Variants in CADPS observed in about 807,000 individuals in gnomAD.
CADPS encodes calcium-dependent secretion activator 1.
In CADPS, 57 loss-of-function variants were observed where a neutral mutation model predicts 167.3. The observed-to-expected ratio is 0.34, with a 90% CI of 0.28 to 0.42. The LOEUF is 0.42. Among genes scored for constraint, CADPS ranks in the 20% least tolerant of loss-of-function variants. The pLI is 1.00. For missense variants in CADPS, 1,414 were observed against 1,738.1 expected (o/e 0.81, Z 3.32); for synonymous variants, 676 against 635.3 (o/e 1.06, Z -0.96).
intron 23 of CADPS, among the ~76,000 whole-genome samples, chr3:62,475,920 A>T (rs547946880): frequency 2.4e-3 from 359 of 152,250 alleles, no homozygotes; most frequent in Non-Finnish European, 4.4e-3. Flanking sequence ...TCACAGGAGA[A>T]CTGTTCATAG....
intron 6 of CADPS, among the ~76,000 whole-genome samples, chr3:62,639,815 T>C (rs1370188122): frequency 6.6e-6 from 1 of 152,092 alleles, no homozygotes; most frequent in Non-Finnish European, 1.5e-5. Context: ...GTAAACACTC[T>C]CCCTCAATGA....
intron 4 of CADPS, among the ~76,000 whole-genome samples, chr3:62,654,752 T>C (rs936538813): frequency 6.6e-6 from 1 of 152,136 alleles, no homozygotes. Flanking sequence ...CTCAGTGAAC[T>C]ACATGGTATT....
intron 24 of CADPS, chr3:62,473,882 C>T (rs1474224288): frequency 3.6e-6 from 1 of 275,416 alleles, no homozygotes; most frequent in African/African-American, 2.2e-5. Context: ...CTGTTCGAGA[C>T]ACCAGCCTAA....
At chr3:62,472,821 A>G (rs2060782021) in intron 24 of CADPS, among the ~76,000 whole-genome samples, 1 of 152,210 alleles carries the variant, frequency 6.6e-6, no homozygotes, top group Non-Finnish European at 1.5e-5. Context: ...TGAACACCGA[A>G]CCCAGGTCTT....
chr3:62,579,214 C>T (rs371962586), intron 8 of CADPS, among the ~76,000 whole-genome samples: 4 of 152,274 alleles, frequency 2.6e-5, no homozygotes, highest in East Asian at 1.9e-4. Flanking sequence ...AAGGTTGGAT[C>T]GAAAGCAATA....
At chr3:62,773,451 G>C (rs1241522100) in intron 1 of CADPS, among the ~76,000 whole-genome samples, 1 of 152,006 alleles carries the variant, frequency 6.6e-6, no homozygotes, top group African/African-American at 2.4e-5. Flanking sequence ...CAAGTTGAAG[G>C]GGGAAAAACA....
chr3:62,549,629 C>T (rs1577593418), intron 11 of CADPS, among the ~76,000 whole-genome samples: 2 of 152,186 alleles, frequency 1.3e-5, no homozygotes, highest in East Asian at 3.9e-4. Context: ...ACATGTTTGG[C>T]TGTGAATTCT....
chr3:62,650,886 C>T lies in CADPS; in HGVS notation c.1164G>A (p.Gln388=), dbSNP rs764412653. The T allele has an allele frequency of 1.2e-6, 2 of 1,614,034 alleles. No homozygotes were observed. Among genetic ancestry groups the T allele is most frequent in the East Asian group, 4.5e-5 (2 of 44,866 alleles). ...ACAGCACGACATCTGACTTGGAGAG[C>T]TGGTTCTCACTCTCCTCGCCCATGT... ...IIDMGEESEN[Q]LSKSDVVLSF... The change falls in exon 5 of 30, where the codon CAG becomes CAA. Residue 388 remains glutamine (Q), a synonymous_variant. Transcript: ENST00000383710.
chr3:62,424,434 C>T (rs901981994), intron 28 of CADPS, among the ~76,000 whole-genome samples: 6 of 152,106 alleles, frequency 3.9e-5, no homozygotes, highest in Admixed American at 1.3e-4. Flanking sequence ...TTGCCTGCCT[C>T]GGCCTCCCAA....
At chr3:62,498,094 C>G (rs1186773680) in intron 18 of CADPS, 1 of 456,256 alleles carries the variant, frequency 2.2e-6, no homozygotes, top group Non-Finnish European at 4.4e-6. Flanking sequence ...ACTGGAAGGG[C>G]ATGCACAAAG....
Position 62,492,002 on chromosome 3 carries a change from GTTAA to G in CADPS, c.2884+284_2884+287del, listed in dbSNP as rs1306962403. On this transcript the variant is annotated intron_variant, in intron 20 of 29. Coordinates refer to ENST00000383710, the MANE Select transcript of CADPS (RefSeq NM_003716.4). ...GATAAAAATTGCAAAATATGAAGAG[GTTAA>G]TTAATTTGAGAGACAATCAAACACA... 2.6e-5 allele frequency among the ~76,000 whole-genome samples: 4 copies of G among 152,036 alleles called. No homozygotes were observed. In the East Asian group the frequency reaches 5.8e-4, roughly 22 times the overall value.
At position 62,521,757 on chromosome 3, in the gene CADPS, C is replaced by T. The variant is rs1324358630; in HGVS notation, c.2292-3507G>A. The stretch of plus-strand genomic sequence containing the variant: ...TTTAGCATCCATTGCCAATTTCTAA[C>T]CCCTGGATTTGGAGGAGTGGCCTCA... On this transcript the variant is annotated intron_variant, in intron 13 of 29. Coordinates refer to ENST00000383710, the MANE Select transcript of CADPS (RefSeq NM_003716.4). Among the ~76,000 whole-genome samples the T allele has an allele frequency of 2.0e-5, 3 of 152,172 alleles. No individual in the cohort carries two copies. The East Asian group carries it at 5.8e-4, about 29-fold the overall frequency.
intron 8 of CADPS, among the ~76,000 whole-genome samples, chr3:62,573,386 AG>A (rs1313139341): frequency 6.6e-6 from 1 of 152,128 alleles, no homozygotes; most frequent in East Asian, 1.9e-4. Flanking sequence ...TGGATGGGGA[AG>A]GCCAATTGTA....
intron 28 of CADPS, among the ~76,000 whole-genome samples, chr3:62,431,120 G>A (rs926811733): frequency 6.6e-6 from 1 of 152,174 alleles, no homozygotes; most frequent in Admixed American, 6.6e-5. Flanking sequence ...GCTTCAGACT[G>A]ATTTGGAGGG....
chr3:62,609,707 A>G (rs1218138089), intron 6 of CADPS, among the ~76,000 whole-genome samples: 1 of 152,214 alleles, frequency 6.6e-6, no homozygotes, highest in Non-Finnish European at 1.5e-5. Context: ...TTAACACATG[A>G]ACACATGGTA....
intron 6 of CADPS, among the ~76,000 whole-genome samples, chr3:62,632,293 T>G (rs2065426109): frequency 6.6e-6 from 1 of 152,184 alleles, no homozygotes; most frequent in African/African-American, 2.4e-5. Context: ...TTCCTTATAC[T>G]TTCCCTCAAT....
At chr3:62,808,259 G>T (rs2094208967) in intron 1 of CADPS, among the ~76,000 whole-genome samples, 1 of 63,274 alleles carries the variant, frequency 1.6e-5, no homozygotes, top group African/African-American at 5.9e-5. Flanking sequence ...ATAAAAGATT[G>T]CTAGCCTTAT....
rs55705532 is a variant in CADPS at position 62,558,983 on chromosome 3, G to A, written c.1645-1470C>T. 4.8e-3 allele frequency among the ~76,000 whole-genome samples: 723 copies of A among 152,086 alleles called. 4 individuals are homozygous for A. Among genetic ancestry groups the A allele is most frequent in the African/African-American group, 0.017 (696 of 41,462 alleles). On this transcript the variant is annotated intron_variant, in intron 9 of 29. Coordinates refer to ENST00000383710, the MANE Select transcript of CADPS (RefSeq NM_003716.4). The stretch of plus-strand genomic sequence containing the variant: ...AGGCTGAGGGTTCCATGGGCCTGGG[G>A]TCCCATCCCAGCTCTGATAAGCTGT...
At chr3:62,594,717 G>C (rs560655045) in intron 6 of CADPS, among the ~76,000 whole-genome samples, 1 of 152,258 alleles carries the variant, frequency 6.6e-6, no homozygotes, top group African/African-American at 2.4e-5. Flanking sequence ...CCTTGGGATA[G>C]AGACCTAGCT....
Sources: allele counts gnomAD v4.1 joint callset (sites outside exome capture counted in the v4.1 genomes callset), GRCh38; gene constraint gnomAD v4.1.1; transcripts MANE v1.5; gene names NCBI Gene and HGNC (gene_info 2026-07-23, HGNC 2026-07-21).